The following ANK1 variants were observed in gnomAD, a reference collection of about 807,000 sequenced individuals.
The protein encoded by ANK1 is ankyrin-1.
A neutral mutation model predicts 210.4 loss-of-function variants in ANK1; 51 were observed. That is an observed-to-expected ratio of 0.24 (90% CI 0.19 to 0.31). The LOEUF (loss-of-function observed/expected upper bound fraction) is 0.31. Ranked by LOEUF, ANK1 falls within the 10% of genes least tolerant of loss-of-function variation. The pLI is 1.00. For synonymous variants in ANK1, 967 were observed against 1,025.9 expected, an observed-to-expected ratio of 0.94 and a Z score of 1.10; for missense variants, 2,051 against 2,504.4, an observed-to-expected ratio of 0.82 and a Z score of 3.86.
chr8:41,806,926 G>C (rs879874028), intron 1 of ANK1, among the ~76,000 whole-genome samples: 2 of 152,066 alleles, frequency 1.3e-5, no homozygotes, highest in Non-Finnish European at 2.9e-5. Context: ...GAAAAATAGG[G>C]GAAAAAGTAA....
rs988197403 is a variant in ANK1 at position 41,786,870 on chromosome 8, G to A, written c.27+10642C>T. Among the ~76,000 whole-genome samples the A allele has an allele frequency of 5.9e-5, 9 of 152,204 alleles. 1 individual carries two copies. The highest frequency in any genetic ancestry group is 2.2e-4 in the African/African-American group (9 of 41,442). ...AGAAACACAGTGGTTCTAATGAAAG[G>A]CTGTTTCTATGGCAGATTCCATAAA... On this transcript the variant is annotated intron_variant, in intron 1 of 42. Coordinates refer to ENST00000289734, the MANE Select transcript of ANK1 (RefSeq NM_000037.4).
chr8:41,695,215 T>C lies in ANK1; in HGVS notation c.3077A>G (p.Glu1026Gly), dbSNP rs1417518372. 6.2e-7 allele frequency: 1 copy of C among 1,613,952 alleles called. No individual in the cohort carries two copies. Among genetic ancestry groups the C allele is most frequent in the African/African-American group, 1.3e-5 (1 of 74,886 alleles). Reference protein sequence around the residue: ...VWKEHRSRYGESYLDQILNGM... With the variant: ...VWKEHRSRYGGSYLDQILNGM... The stretch of plus-strand genomic sequence containing the variant: ...GTTGAGGATCTGATCCAGGTAGCTC[T>C]CTCCATAGCGGCTCCTGTGCTCCTT... Residue 1026 changes from glutamate to glycine, a missense_variant, in exon 27 of 43, where the codon GAG (glutamate) becomes GGG (glycine). By Grantham distance (98) the Glu-to-Gly change is moderately conservative (BLOSUM62 -2). Around this residue, in one of 6 missense-constraint regions of ANK1, gnomAD observed 1,413 missense variants for 1,707.4 expected, o/e 0.83. Transcript: ENST00000289734.
chr8:41,795,963 C>T (rs1267238674), intron 1 of ANK1, among the ~76,000 whole-genome samples: 1 of 152,138 alleles, frequency 6.6e-6, no homozygotes, highest in Non-Finnish European at 1.5e-5. Flanking sequence ...TATGGACACC[C>T]CAAATACCCT....
In ANK1 at chr8:41,655,738, G is replaced by A. The variant is rs373306968; in HGVS notation, c.*52C>T. 1.2e-6 allele frequency: 2 copies of A among 1,614,102 alleles called. No individual in the cohort carries two copies. On this transcript the variant is annotated 3_prime_UTR_variant, in exon 43 of 43. Coordinates refer to ENST00000289734, the MANE Select transcript of ANK1 (RefSeq NM_000037.4). ...AGAGTGTGTGGGGTTCAGGGGTTGG[G>A]TGTCGAGGTGTGATCCTGGGAGACA...
chr8:41,688,339 T>C, intron 34 of ANK1, 109 bp from the exon 35 acceptor site: 1 of 1,443,610 alleles, frequency 6.9e-7, no homozygotes, highest in Non-Finnish European at 9.7e-7. Context: ...GGGGTGATTG[T>C]CTAGACTCTC....
Position 41,690,462 on chromosome 8 carries a change from GGGTGCC to G in ANK1, c.3984+6_3984+11del. 1.2e-6 allele frequency: 2 copies of G among 1,614,202 alleles called. No individual in the cohort carries two copies. Among genetic ancestry groups the G allele is most frequent in the South Asian group, 2.2e-5 (2 of 91,078 alleles). ...AGACCCAGAGGAGAACTCAGCCAGAGGGTGCCGGCACCTTTACAGGCATGGCCAGAC... is the reference window on the plus strand; with the variant it reads ...AGACCCAGAGGAGAACTCAGCCAGAGGGCACCTTTACAGGCATGGCCAGAC... On this transcript the variant is annotated splice_donor_region_variant and intron_variant, in intron 32 of 42. Transcript: ENST00000289734.
At chr8:41,706,304 A>G (rs2150616696) in intron 17 of ANK1, 63 bp from the exon 18 acceptor site, 2 of 1,465,680 alleles carry the variant, frequency 1.4e-6, no homozygotes, top group Non-Finnish European at 1.9e-6. Flanking sequence ...ACAAGTAAAG[A>G]GCTCTGAGGT....
intron 1 of ANK1, among the ~76,000 whole-genome samples, chr8:41,887,767 A>G (rs1393917091): frequency 6.6e-6 from 1 of 152,274 alleles, no homozygotes; most frequent in Non-Finnish European, 1.5e-5. Flanking sequence ...AGTGAACATA[A>G]CACAACAACT....
At chr8:41,718,045 GAGA>G in intron 11 of ANK1, 58 bp downstream of exon 11, 1 of 1,521,278 alleles carries the variant, frequency 6.6e-7, no homozygotes, top group Non-Finnish European at 9.1e-7. Flanking sequence ...GCGACTCTTG[GAGA>G]AGGTGGGTCG....
intron 22 of ANK1, among the ~76,000 whole-genome samples, chr8:41,700,023 G>A (rs193042129): frequency 9.5e-4 from 145 of 152,332 alleles, no homozygotes; most frequent in Non-Finnish European, 1.7e-3. Context: ...TTCAAACTAC[G>A]GGTCAATCGG....
chr8:41,661,340 G>T, intron 42 of ANK1, 90 bp downstream of exon 42: 1 of 1,542,934 alleles, frequency 6.5e-7, no homozygotes, highest in South Asian at 1.2e-5. Context: ...ACATCATGCT[G>T]GGGTGGCTGG....
chr8:41,765,114 CTTCT>C (rs956115053), intron 1 of ANK1, among the ~76,000 whole-genome samples: 3 of 150,906 alleles, frequency 2.0e-5, no homozygotes, highest in South Asian at 2.1e-4. Flanking sequence ...TCCTTCCTTC[CTTCT>C]CTTTTTCTCT....
Position 41,675,392 on chromosome 8 carries a change from C to T in ANK1, c.4538-2480G>A, listed in dbSNP as rs114557372. On this transcript the variant is annotated intron_variant, in intron 37 of 42. Coordinates refer to ENST00000289734, the MANE Select transcript of ANK1 (RefSeq NM_000037.4). ...GATTACAGGGTTGAGTCACTGAGCC[C>T]GGCCACTGAGCGTATTTTTAGTGCA... 2.2e-3 allele frequency among the ~76,000 whole-genome samples: 342 copies of T among 152,314 alleles called. 2 individuals carry two copies. The highest frequency in any genetic ancestry group is 7.7e-3 in the African/African-American group (321 of 41,558).
At chr8:41,745,232 A>G (rs1835823039) in intron 2 of ANK1, among the ~76,000 whole-genome samples, 1 of 152,198 alleles carries the variant, frequency 6.6e-6, no homozygotes, top group African/African-American at 2.4e-5. Context: ...AGGGACAGTT[A>G]GCAAAATCCT....
In ANK1 at chr8:41,892,950, C is replaced by G. The variant is rs548415620; in HGVS notation, c.126+3405G>C. On this transcript the variant is annotated intron_variant, in intron 1 of 42. Coordinates refer to the ANK1 transcript ENST00000265709. ...AACATAACTAGGGACAAGGAGAGAG[C>G]TGAGTAAACACTACCCTGGGGTCTC... 2.9e-4 allele frequency among the ~76,000 whole-genome samples: 40 copies of G among 139,356 alleles called. No homozygotes were observed. In the South Asian group the frequency reaches 7.9e-3, roughly 27 times the overall value. 91.4% of individuals were successfully genotyped at this position (139,356 alleles called of 152,430 possible).
intron 1 of ANK1, among the ~76,000 whole-genome samples, chr8:41,867,679 C>T (rs1814734071): frequency 6.6e-6 from 1 of 152,174 alleles, no homozygotes; most frequent in African/African-American, 2.4e-5. Flanking sequence ...GCAGATCACA[C>T]ATCTCCATCA....
chr8:41,822,658 G>C (rs949375193), intron 1 of ANK1, among the ~76,000 whole-genome samples: 2 of 152,158 alleles, frequency 1.3e-5, no homozygotes, highest in African/African-American at 4.8e-5. Flanking sequence ...TGGGTTCAAG[G>C]ACCCAGGAGA....
At chr8:41,788,470 C>T (rs943350943) in intron 1 of ANK1, among the ~76,000 whole-genome samples, 33 of 152,046 alleles carry the variant, frequency 2.2e-4, no homozygotes, top group South Asian at 2.1e-4. Context: ...ACATCTCAGA[C>T]CACAAGGGCA....
chr8:41,755,929 C>T (rs1355755322), intron 2 of ANK1, among the ~76,000 whole-genome samples: 2 of 152,120 alleles, frequency 1.3e-5, no homozygotes, highest in Admixed American at 1.3e-4. Context: ...CCAGTCAGGT[C>T]CACATACCTC....
Sources: gnomAD v4.1 joint callset for allele counts (sites outside exome capture counted in the v4.1 genomes callset) on GRCh38, gnomAD v4.1.1 for gene constraint, gnomAD v4.1.1 regional missense constraint, MANE v1.5 for transcripts, NCBI Gene and HGNC (gene_info 2026-07-23, HGNC 2026-07-21) for gene names.